PCSK5: variants seen among roughly 807,000 people sequenced by gnomAD.
PCSK5 encodes the protein prohormone convertase 5.
Under a neutral mutation model 233.2 loss-of-function variants are expected in PCSK5, and 129 were observed. The ratio of observed to expected loss-of-function variants is 0.55; its 90% CI spans 0.48 to 0.64. PCSK5 has a LOEUF of 0.64. PCSK5 is among the 30% of genes least tolerant of loss of function. The pLI is 0.00. For synonymous variants in PCSK5, 825 were observed against 879.2 expected, an observed-to-expected ratio of 0.94 and a Z score of 1.09; for missense variants, 2,076 against 2,430.1, an observed-to-expected ratio of 0.85 and a Z score of 3.06.
intron 35 of PCSK5, among the ~76,000 whole-genome samples, chr9:76,346,096 T>C (rs1259613265): frequency 1.3e-5 from 2 of 152,222 alleles, no homozygotes; most frequent in African/African-American, 4.8e-5. Flanking sequence ...AGTTTTATTC[T>C]TCTGCATATA....
At chr9:76,026,054 C>T (rs1204461386) in intron 4 of PCSK5, among the ~76,000 whole-genome samples, 1 of 151,998 alleles carries the variant, frequency 6.6e-6, no homozygotes, top group East Asian at 1.9e-4. Flanking sequence ...GTGAGCCAAG[C>T]CGTGATCACA....
intron 21 of PCSK5, among the ~76,000 whole-genome samples, chr9:76,230,164 G>A (rs989841235): frequency 6.6e-6 from 1 of 152,152 alleles, no homozygotes; most frequent in African/African-American, 2.4e-5. Context: ...ATATTTTGGG[G>A]GGAGGTTGGA....
chr9:75,991,278 A>G (rs564406757), intron 3 of PCSK5, among the ~76,000 whole-genome samples: 7 of 152,122 alleles, frequency 4.6e-5, no homozygotes, highest in Admixed American at 1.3e-4. Flanking sequence ...ATTTTTGCCT[A>G]CCCTCCCACC....
intron 20 of PCSK5, among the ~76,000 whole-genome samples, chr9:76,207,546 G>A (rs1874270): frequency 0.015 from 2,275 of 152,264 alleles, 71 homozygotes; most frequent in African/African-American, 0.051. Context: ...GCTGGGCATA[G>A]GGAATATAAT....
At chr9:76,136,800 C>T (rs904856637) in intron 10 of PCSK5, among the ~76,000 whole-genome samples, 1 of 152,032 alleles carries the variant, frequency 6.6e-6, no homozygotes, top group Non-Finnish European at 1.5e-5. Context: ...ACATCAGCGT[C>T]ACCCATCAGA....
At chr9:76,160,587 C>T (rs1470406917) in intron 12 of PCSK5, among the ~76,000 whole-genome samples, 4 of 152,108 alleles carry the variant, frequency 2.6e-5, no homozygotes, top group African/African-American at 4.8e-5. Context: ...TGTTAGAACA[C>T]TAACAACAGG....
chr9:76,012,484 T>C (rs959061709), intron 3 of PCSK5, among the ~76,000 whole-genome samples: 1 of 152,208 alleles, frequency 6.6e-6, no homozygotes. Flanking sequence ...TAAGTGGTAA[T>C]AATAAATTAT....
chr9:75,903,442 A>G (rs1020797776), intron 1 of PCSK5, among the ~76,000 whole-genome samples: 5 of 151,464 alleles, frequency 3.3e-5, no homozygotes, highest in African/African-American at 7.3e-5. Flanking sequence ...CCATGCCAGC[A>G]TTGAACCTAG....
intron 1 of PCSK5, among the ~76,000 whole-genome samples, chr9:75,903,122 C>T (rs536032761): frequency 2.3e-4 from 35 of 152,152 alleles, no homozygotes; most frequent in African/African-American, 3.9e-4. Flanking sequence ...CCTTTAAATA[C>T]GTATTTTATA....
chr9:76,280,118 C>T (rs1468118086), intron 24 of PCSK5, among the ~76,000 whole-genome samples: 1 of 152,116 alleles, frequency 6.6e-6, no homozygotes, highest in Non-Finnish European at 1.5e-5. Flanking sequence ...GTAATTCTCA[C>T]AATATTTTGA....
At chr9:76,327,819 C>T (rs1829410340) in intron 32 of PCSK5, among the ~76,000 whole-genome samples, 190 bp from the exon 33 acceptor site, 1 of 152,120 alleles carries the variant, frequency 6.6e-6, no homozygotes, top group African/African-American at 2.4e-5. Flanking sequence ...TCTCATTTTG[C>T]AAAAGAATGG....
At chr9:76,097,703 C>T (rs1831594320) in intron 8 of PCSK5, among the ~76,000 whole-genome samples, 1 of 152,218 alleles carries the variant, frequency 6.6e-6, no homozygotes, top group South Asian at 2.1e-4. Flanking sequence ...CTTAGTAGCA[C>T]ATAGTTCATG....
intron 7 of PCSK5, among the ~76,000 whole-genome samples, chr9:76,083,695 TA>T (rs1296760060): frequency 6.6e-6 from 1 of 152,240 alleles, no homozygotes; most frequent in Non-Finnish European, 1.5e-5. Flanking sequence ...TCACCAGATT[TA>T]AAAACTGATG....
chr9:76,036,696 G>C (rs1477239697), intron 5 of PCSK5, among the ~76,000 whole-genome samples: 1 of 152,234 alleles, frequency 6.6e-6, no homozygotes, highest in Non-Finnish European at 1.5e-5. Flanking sequence ...CCCACATTCA[G>C]AGAGAAGTCT....
chr9:76,339,909 A>G (rs1286778565), intron 35 of PCSK5, among the ~76,000 whole-genome samples: 1 of 152,174 alleles, frequency 6.6e-6, no homozygotes, highest in Non-Finnish European at 1.5e-5. Flanking sequence ...TTATGTCTTA[A>G]GGACTTGTCT....
At chr9:75,897,469 T>G in intron 1 of PCSK5, among the ~76,000 whole-genome samples, 1 of 149,346 alleles carries the variant, frequency 6.7e-6, no homozygotes, top group East Asian at 1.9e-4. Context: ...CTATGGAGGT[T>G]GCAAGATTTT....
intron 2 of PCSK5, among the ~76,000 whole-genome samples, chr9:75,947,877 T>G (rs1395119256): frequency 6.6e-6 from 1 of 152,218 alleles, no homozygotes; most frequent in Non-Finnish European, 1.5e-5. Flanking sequence ...GGCCTCATTC[T>G]GTCACCCAGG....
At chr9:76,281,734 C>T (rs1469372100) in intron 24 of PCSK5, among the ~76,000 whole-genome samples, 1 of 152,180 alleles carries the variant, frequency 6.6e-6, no homozygotes, top group Non-Finnish European at 1.5e-5. Context: ...CTGCAACCTC[C>T]ACCTCCTGGG....
chr9:76,290,020 G>T (rs1828229441), intron 24 of PCSK5, among the ~76,000 whole-genome samples: 1 of 152,130 alleles, frequency 6.6e-6, no homozygotes, highest in Non-Finnish European at 1.5e-5. Context: ...TAGATGGGAG[G>T]GATGACCAGA....
Sources: allele counts gnomAD v4.1 joint callset (sites outside exome capture counted in the v4.1 genomes callset), GRCh38; gene constraint gnomAD v4.1.1; transcripts MANE v1.5; gene names NCBI Gene and HGNC (gene_info 2026-07-23, HGNC 2026-07-21).